Variants in TDRD12 observed in about 807,000 individuals in gnomAD.
TDRD12 encodes the protein tudor domain containing 12, also known as putative ATP-dependent RNA helicase TDRD12.
Under a neutral mutation model 133.5 loss-of-function variants are expected in TDRD12, and 158 were observed. That is an observed-to-expected ratio of 1.18 (90% CI 1.04 to 1.35). The LOEUF is 1.35. Ranked by LOEUF, TDRD12 falls within the 40% of genes most tolerant of loss-of-function variation. TDRD12 has a pLI of 0.00. For missense variants in TDRD12, 1,443 were observed against 1,321.3 expected (o/e 1.09, Z -1.43); for synonymous variants, 460 against 477.9 (o/e 0.96, Z 0.49).
At chr19:32,753,652 C>T (rs1396884942) in intron 6 of TDRD12, among the ~76,000 whole-genome samples, 2 of 151,288 alleles carry the variant, frequency 1.3e-5, no homozygotes, top group African/African-American at 2.4e-5. Context: ...TACAGGTGCC[C>T]GCCATCACAC....
intron 13 of TDRD12, among the ~76,000 whole-genome samples, chr19:32,792,794 A>G (rs968143546): frequency 2.0e-5 from 3 of 152,260 alleles, no homozygotes; most frequent in Non-Finnish European, 4.4e-5. Context: ...TCTAAAGATT[A>G]TGAAGGCTTC....
chr19:32,809,148 GTCTGAGATT>G, intron 22 of TDRD12, among the ~76,000 whole-genome samples: 1 of 152,240 alleles, frequency 6.6e-6, no homozygotes, highest in Admixed American at 6.5e-5. Flanking sequence ...GTGACATAGT[GTCTGAGATT>G]TCTGAGATTC....
chr19:32,778,372 A>G (rs1252095543), intron 11 of TDRD12, among the ~76,000 whole-genome samples: 1 of 152,088 alleles, frequency 6.6e-6, no homozygotes, highest in Non-Finnish European at 1.5e-5. Flanking sequence ...CCTAATACCC[A>G]AAGGTTTTGC....
chr19:32,775,950 C>T (rs1417213923), intron 10 of TDRD12, among the ~76,000 whole-genome samples: 1 of 152,096 alleles, frequency 6.6e-6, no homozygotes, highest in African/African-American at 2.4e-5. Context: ...TTTGTCTTAG[C>T]AGGAGGTCGG....
At chr19:32,789,973 G>A (rs1369107636) in intron 11 of TDRD12, among the ~76,000 whole-genome samples, 2 of 151,880 alleles carry the variant, frequency 1.3e-5, no homozygotes, top group Non-Finnish European at 2.9e-5. Flanking sequence ...CTGTACTCCA[G>A]CCTGAGTAAC....
chr19:32,808,099 T>C (rs1479203468), intron 22 of TDRD12, among the ~76,000 whole-genome samples: 1 of 152,228 alleles, frequency 6.6e-6, no homozygotes, highest in Admixed American at 6.5e-5. Flanking sequence ...AGTGATTACA[T>C]GAATCTTTTC....
intron 21 of TDRD12, 126 bp downstream of exon 21, chr19:32,803,268 G>T (rs977857966): frequency 5.8e-6 from 4 of 694,806 alleles, no homozygotes; most frequent in Non-Finnish European, 9.3e-6. Context: ...CAGTCTGGGG[G>T]TTCCCTCGCA....
chr19:32,796,750 G>C (rs1971239792), intron 14 of TDRD12, among the ~76,000 whole-genome samples: 1 of 152,172 alleles, frequency 6.6e-6, no homozygotes, highest in South Asian at 2.1e-4. Flanking sequence ...GGGATGTCCA[G>C]GTCTCGTCCC....
chr19:32,754,591 A>G (rs1168272023), intron 6 of TDRD12, among the ~76,000 whole-genome samples: 2 of 151,336 alleles, frequency 1.3e-5, no homozygotes, highest in African/African-American at 2.4e-5. Flanking sequence ...TAAATTCTCT[A>G]TAAACTTGCT....
At chr19:32,735,913 T>G (rs1484933028) in intron 2 of TDRD12, among the ~76,000 whole-genome samples, 1 of 152,146 alleles carries the variant, frequency 6.6e-6, no homozygotes, top group African/African-American at 2.4e-5. Context: ...GAGGCTGCAG[T>G]GAGCTGAGAT....
chr19:32,735,955 G>C (rs1381224572), intron 2 of TDRD12, among the ~76,000 whole-genome samples: 1 of 152,162 alleles, frequency 6.6e-6, no homozygotes, highest in Non-Finnish European at 1.5e-5. Context: ...GGGTGACAGA[G>C]AGAGACTCCA....
chr19:32,812,093 G>A (rs1224342640), intron 24 of TDRD12, among the ~76,000 whole-genome samples: 2 of 152,216 alleles, frequency 1.3e-5, no homozygotes, highest in South Asian at 4.1e-4. Flanking sequence ...AACAGATGGG[G>A]CGTTGAAAGC....
At chr19:32,802,718 A>G (rs1336706210) in exon 20 of TDRD12, 1 of 1,536,336 alleles carries the variant, frequency 6.5e-7, no homozygotes, top group Admixed American at 2.0e-5. Flanking sequence ...GATTCACTTC[A>G]GTTTCCCTGC....
chr19:32,739,073 G>A (rs1469790014), intron 3 of TDRD12, 81 bp downstream of exon 3: 14 of 1,479,810 alleles, frequency 9.5e-6, no homozygotes, highest in African/African-American at 7.0e-5. Flanking sequence ...TTTAAAGTAC[G>A]GGGCTAGAGG....
chr19:32,827,644 T>G (rs1188625404), exon 10 of TDRD12: 1 of 153,048 alleles, frequency 6.5e-6, no homozygotes, highest in Non-Finnish European at 1.5e-5. Flanking sequence ...CCTCCCAAAG[T>G]GCTGGGATTA....
intron 24 of TDRD12, among the ~76,000 whole-genome samples, chr19:32,811,637 G>A (rs1013459811): frequency 2.6e-5 from 4 of 152,114 alleles, no homozygotes; most frequent in Non-Finnish European, 5.9e-5. Flanking sequence ...TTGTGCTTAC[G>A]GTCACAGAAT....
At chr19:32,772,987 G>A (rs1053838228) in intron 9 of TDRD12, 137 bp downstream of exon 9, 1 of 472,052 alleles carries the variant, frequency 2.1e-6, no homozygotes, top group Non-Finnish European at 3.6e-6. Flanking sequence ...TCCTTCATGA[G>A]AAAATATAGT....
intron 11 of TDRD12, among the ~76,000 whole-genome samples, chr19:32,781,687 TTCTC>T (rs35069423): frequency 1.3e-4 from 19 of 148,230 alleles, no homozygotes; most frequent in Admixed American, 4.1e-4. Flanking sequence ...TCCTTTCCTT[TTCTC>T]TCTCTCTCTC....
chr19:32,789,637 C>T lies in TDRD12; in HGVS notation c.1122-894C>T, dbSNP rs572797737. On this transcript the variant is annotated intron_variant, in intron 11 of 27. Transcript: ENST00000444215. ...TGACTGACTTATATTCCATTGCGTGCATGGAGTGCATTTCATGTACCCATT... is the reference window on the plus strand; with the variant it reads ...TGACTGACTTATATTCCATTGCGTGTATGGAGTGCATTTCATGTACCCATT... Among the ~76,000 whole-genome samples the T allele has an allele frequency of 7.9e-5, 12 of 152,326 alleles. No individual in the cohort carries two copies. The South Asian group carries it at 2.5e-3, about 32-fold the overall frequency.
Sources: allele counts gnomAD v4.1 joint callset (sites outside exome capture counted in the v4.1 genomes callset), GRCh38; gene constraint gnomAD v4.1.1; transcripts MANE v1.5; gene names NCBI Gene and HGNC (gene_info 2026-07-23, HGNC 2026-07-21).